GCNT2: variants seen among roughly 807,000 people sequenced by gnomAD.
GCNT2 encodes N-acetyllactosaminide beta-1,6-N-acetylglucosaminyl-transferase.
A neutral mutation model predicts 34.2 loss-of-function variants in GCNT2; 34 were observed. The ratio of observed to expected loss-of-function variants is 1.00; its 90% CI spans 0.76 to 1.32. GCNT2 has a LOEUF of 1.32. GCNT2 is among the 40% of genes most tolerant of loss of function. The pLI, the probability that GCNT2 is intolerant of heterozygous loss-of-function variation, is 0.00. For missense variants in GCNT2, 584 were observed against 489.4 expected (o/e 1.19, Z -1.82); for synonymous variants, 212 against 188.0 (o/e 1.13, Z -1.04).
chr6:10,521,943 AGGCGAGAGTACGGT>A (rs1386073549), intron 1 of GCNT2, among the ~76,000 whole-genome samples: 7 of 151,280 alleles, frequency 4.6e-5, no homozygotes, highest in African/African-American at 1.7e-4. Context: ...TCTGTCACCC[AGGCGAGAGTACGGT>A]GGTGCGATCT....
chr6:10,569,275 C>CACACACACACACACACACA (rs1491437125), intron 3 of GCNT2, among the ~76,000 whole-genome samples: 5,457 of 100,620 alleles, frequency 0.054, 661 homozygotes, highest in Middle Eastern at 0.073. Context: ...ACACACACAC[C>CACACACACACACACACACA]CCCTAGGTAA....
At chr6:10,528,586 C>G (rs1430494165) in intron 2 of GCNT2, 45 bp from the exon 3 acceptor site, 2 of 393,506 alleles carry the variant, frequency 5.1e-6, no homozygotes, top group Admixed American at 3.8e-5. Flanking sequence ...AACAGGTGGA[C>G]CCCCTGGAAT....
intron 3 of GCNT2, among the ~76,000 whole-genome samples, chr6:10,600,080 C>T (rs1207296719): frequency 1.3e-5 from 2 of 152,144 alleles, no homozygotes; most frequent in Non-Finnish European, 2.9e-5. Flanking sequence ...AACCTGGCCA[C>T]AAAGATAAGA....
chr6:10,604,713 TA>T (rs1001177895), intron 3 of GCNT2, among the ~76,000 whole-genome samples: 15 of 151,864 alleles, frequency 9.9e-5, no homozygotes, highest in African/African-American at 2.7e-4. Flanking sequence ...ATACAAAAAT[TA>T]GCCAGGCACG....
At chr6:10,525,513 A>C (rs1252066353) in intron 1 of GCNT2, among the ~76,000 whole-genome samples, 1 of 152,188 alleles carries the variant, frequency 6.6e-6, no homozygotes, top group Non-Finnish European at 1.5e-5. Flanking sequence ...GAGAGTGATT[A>C]CTGATAGATT....
chr6:10,587,346 AG>A (rs2127414231), intron 3 of GCNT2, among the ~76,000 whole-genome samples: 1 of 152,308 alleles, frequency 6.6e-6, no homozygotes, highest in Admixed American at 6.5e-5. Context: ...GAGCTGTTAC[AG>A]GGGTACTTAC....
chr6:10,596,755 G>C (rs1486778287), intron 3 of GCNT2, among the ~76,000 whole-genome samples: 1 of 151,420 alleles, frequency 6.6e-6, no homozygotes, highest in Non-Finnish European at 1.5e-5. Context: ...AAGACAATGA[G>C]TCCAAAGTAT....
chr6:10,586,663 C>A, intron 3 of GCNT2: 1 of 1,614,134 alleles, frequency 6.2e-7, no homozygotes, highest in Non-Finnish European at 8.5e-7. Context: ...CCTGACCATG[C>A]AATTAAGCGA....
At chr6:10,602,341 C>T (rs1765124018) in intron 3 of GCNT2, among the ~76,000 whole-genome samples, 1 of 152,192 alleles carries the variant, frequency 6.6e-6, no homozygotes, top group African/African-American at 2.4e-5. Context: ...AACAGTGGTC[C>T]TGACTGCATT....
intron 3 of GCNT2, among the ~76,000 whole-genome samples, chr6:10,576,688 A>G (rs578124157): frequency 4.7e-5 from 7 of 149,878 alleles, no homozygotes; most frequent in South Asian, 4.3e-4. Flanking sequence ...AGATTTGGGG[A>G]GAGAGAGAGA....
chr6:10,564,074 C>T (rs1205792462), intron 3 of GCNT2, among the ~76,000 whole-genome samples: 2 of 152,048 alleles, frequency 1.3e-5, no homozygotes, highest in South Asian at 2.1e-4. Flanking sequence ...GCCCATTTTC[C>T]TGGAGATTTT....
intron 1 of GCNT2, among the ~76,000 whole-genome samples, chr6:10,523,669 G>T (rs79678787): frequency 0.023 from 3,524 of 151,930 alleles, 71 homozygotes; most frequent in South Asian, 0.075. Context: ...CTGTTGTCTT[G>T]ACTCTAGACT....
At chr6:10,618,765 A>G (rs1449170971) in intron 3 of GCNT2, among the ~76,000 whole-genome samples, 2 of 152,236 alleles carry the variant, frequency 1.3e-5, no homozygotes, top group South Asian at 4.1e-4. Context: ...TTAGATAGGC[A>G]AGCATCAAAA....
chr6:10,625,824 A>G (rs1766233329), intron 4 of GCNT2, among the ~76,000 whole-genome samples: 1 of 152,230 alleles, frequency 6.6e-6, no homozygotes, highest in Non-Finnish European at 1.5e-5. Flanking sequence ...ATGCATATCT[A>G]TGATAAAGTT....
intron 3 of GCNT2, among the ~76,000 whole-genome samples, chr6:10,598,072 C>T (rs1014297764): frequency 1.3e-5 from 2 of 152,096 alleles, no homozygotes; most frequent in Non-Finnish European, 2.9e-5. Context: ...CCTCAGTTTC[C>T]TCATGTGTAA....
intron 3 of GCNT2, among the ~76,000 whole-genome samples, chr6:10,615,406 C>T (rs1477396063): frequency 1.3e-5 from 2 of 152,078 alleles, no homozygotes; most frequent in African/African-American, 4.8e-5. Context: ...CCTTGACCTC[C>T]CATGCTCAGA....
chr6:10,524,280 C>T (rs1457890754), intron 1 of GCNT2, among the ~76,000 whole-genome samples: 27 of 141,694 alleles, frequency 1.9e-4, no homozygotes, highest in South Asian at 4.5e-4. Flanking sequence ...GACGGAGTTT[C>T]GCTCTTGTTG....
At chr6:10,583,641 C>A (rs909084558) in intron 3 of GCNT2, among the ~76,000 whole-genome samples, 5 of 152,276 alleles carry the variant, frequency 3.3e-5, no homozygotes, top group African/African-American at 1.2e-4. Context: ...GCTGATACTT[C>A]CAGGAATTCT....
chr6:10,534,710 A>G (rs1223500088), intron 3 of GCNT2, among the ~76,000 whole-genome samples: 2 of 148,936 alleles, frequency 1.3e-5, no homozygotes, highest in South Asian at 2.1e-4. Flanking sequence ...AAAAAAATCA[A>G]AAAATAGTCA....
Sources: gnomAD v4.1 joint callset for allele counts (sites outside exome capture counted in the v4.1 genomes callset) on GRCh38, gnomAD v4.1.1 for gene constraint, MANE v1.5 for transcripts, NCBI Gene and HGNC (gene_info 2026-07-23, HGNC 2026-07-21) for gene names.